Variants in VAV1 observed in about 807,000 individuals in gnomAD.
VAV1 encodes proto-oncogene vav.
VAV1 carries 33 observed loss-of-function variants against 128.1 expected under a neutral mutation model. The ratio of observed to expected loss-of-function variants is 0.26; its 90% CI spans 0.20 to 0.34. The LOEUF is 0.34. Among genes scored for constraint, VAV1 ranks in the 10% least tolerant of loss-of-function variants. The pLI is 1.00. For synonymous variants in VAV1, 394 were observed against 409.8 expected (o/e 0.96, Z 0.47); for missense variants, 715 against 1,093.7 (o/e 0.65, Z 4.88).
intron 1 of VAV1, among the ~76,000 whole-genome samples, chr19:6,805,583 T>TACACACACACACACAC (rs55732746): frequency 0.035 from 4,820 of 138,984 alleles, 146 homozygotes; most frequent in Non-Finnish European, 0.045. Context: ...TTTCTACAGA[T>TACACACACACACACAC]ACACACACAC....
intron 26 of VAV1, among the ~76,000 whole-genome samples, chr19:6,855,897 C>T (rs567424553): frequency 6.6e-5 from 10 of 152,240 alleles, no homozygotes; most frequent in African/African-American, 2.4e-4. Flanking sequence ...TCCAATAATC[C>T]ATCCATTCAT....
Position 6,833,262 on chromosome 19 carries a change from C to T in VAV1, c.1587C>T (p.Cys529=), listed in dbSNP as rs1459949528. 20 of 1,612,954 alleles carry T rather than the reference C, an allele frequency of 1.2e-5. No homozygotes were observed. The highest frequency in any genetic ancestry group is 1.7e-5 in the Non-Finnish European group (20 of 1,179,724). The change falls in exon 16 of 27, where the codon TGC becomes TGT. Residue 529 remains cysteine (C), a synonymous_variant. Coordinates refer to ENST00000602142, the MANE Select transcript of VAV1 (RefSeq NM_005428.4). ...TCTCCTTTGAGGAGACCACATCCTG[C>T]AAGGCCTGTCAGATGCTGCTTAGGT... ...QMFSFEETTS[C]KACQMLLRGT... is the part of the protein sequence containing the mutation.
Position 6,857,203 on chromosome 19 carries a change from G to A in VAV1, c.*96G>A. 6.5e-7 allele frequency: 1 copy of A among 1,545,098 alleles called. No homozygotes were observed. Among genetic ancestry groups the A allele is most frequent in the Non-Finnish European group, 8.8e-7 (1 of 1,136,418 alleles). ...GGGGCTGTGACAGCTCCCGGCGGGT[G>A]GAGACTTTGGGATGGACTGGAGGAG... is the stretch of plus-strand genomic sequence containing the variant. On this transcript the variant is annotated 3_prime_UTR_variant, in exon 27 of 27. Transcript: ENST00000602142.
intron 1 of VAV1, among the ~76,000 whole-genome samples, chr19:6,796,263 T>A (rs1971133481): frequency 6.6e-6 from 1 of 152,104 alleles, no homozygotes; most frequent in South Asian, 2.1e-4. Context: ...GAGAGAGAGG[T>A]GGGAGAAATA....
chr19:6,840,809 C>T (rs575658217), intron 21 of VAV1, among the ~76,000 whole-genome samples: 182 of 151,638 alleles, frequency 1.2e-3, no homozygotes, highest in Admixed American at 1.4e-3. Flanking sequence ...GATGGAGTTT[C>T]GCTCTTGTTG....
intron 1 of VAV1, among the ~76,000 whole-genome samples, chr19:6,775,675 G>A (rs770603049): frequency 9.2e-5 from 14 of 152,160 alleles, no homozygotes; most frequent in East Asian, 1.9e-4. Context: ...AAGCCCGGCC[G>A]TGTGTCTGGT....
intron 13 of VAV1, among the ~76,000 whole-genome samples, chr19:6,829,230 C>A (rs1375469836): frequency 1.3e-5 from 2 of 149,944 alleles, no homozygotes; most frequent in Admixed American, 1.3e-4. Context: ...GGGGGCCAGG[C>A]TCCTAGATGG....
In VAV1 at chr19:6,777,309, C is replaced by T. The variant is rs936036167; in HGVS notation, c.204+4298C>T. Among the ~76,000 whole-genome samples, 2 of 152,066 alleles carry T rather than the reference C, an allele frequency of 1.3e-5. No homozygotes were observed. The highest frequency in any genetic ancestry group is 1.9e-4 in the East Asian group (1 of 5,182). On this transcript the variant is annotated intron_variant, in intron 1 of 26. Transcript: ENST00000602142. This position sits in a 1 kb window ranked among gnomAD's most constrained non-coding sequence, Gnocchi z 4.4. ...TCCAGCAATGACAAGGTCTGCCAGGCCCTGTTCTTGGTGCTGGGGACAGTG... is the reference window on the plus strand; with the variant it reads ...TCCAGCAATGACAAGGTCTGCCAGGTCCTGTTCTTGGTGCTGGGGACAGTG...
chr19:6,849,285 C>CTTTTTT lies in VAV1; in HGVS notation c.2129+1187_2129+1192dup, dbSNP rs4029439. Among the ~76,000 whole-genome samples the CTTTTTT allele has an allele frequency of 1.7e-4, 16 of 92,174 alleles. 2 individuals are homozygous for CTTTTTT. Among genetic ancestry groups the CTTTTTT allele is most frequent in the African/African-American group, 7.7e-4 (13 of 16,846 alleles). 60.5% of individuals were successfully genotyped at this position (92,174 alleles called of 152,430 possible). A position where few individuals can be genotyped will look rare whatever the true frequency, so the allele number is the denominator to read the frequency against. The stretch of plus-strand genomic sequence containing the variant: ...CTCCCCCGAGTCTACTGTTTCCAGC[C>CTTTTTT]TTTTTTTTTTTTTTTTTTTTTGAGA... On this transcript the variant is annotated intron_variant, in intron 23 of 26. Transcript: ENST00000602142.
At chr19:6,808,574 C>G (rs1273518134) in intron 1 of VAV1, among the ~76,000 whole-genome samples, 1 of 152,194 alleles carries the variant, frequency 6.6e-6, no homozygotes, top group Non-Finnish European at 1.5e-5. Flanking sequence ...TCTTCCGCCA[C>G]CTGTGAATTT....
At chr19:6,798,409 C>G (rs1180628686) in intron 1 of VAV1, among the ~76,000 whole-genome samples, 2 of 151,932 alleles carry the variant, frequency 1.3e-5, no homozygotes, top group African/African-American at 4.8e-5. Context: ...GGGAGGATTG[C>G]TTGAGTTTAG....
At chr19:6,808,035 G>A (rs902099491) in intron 1 of VAV1, among the ~76,000 whole-genome samples, 22 of 147,788 alleles carry the variant, frequency 1.5e-4, no homozygotes, top group African/African-American at 4.0e-4. Context: ...AAAAAAGGCC[G>A]GGCGCGGTGG....
At chr19:6,791,587 A>G (rs986586586) in intron 1 of VAV1, among the ~76,000 whole-genome samples, 10 of 152,162 alleles carry the variant, frequency 6.6e-5, no homozygotes, top group African/African-American at 2.4e-4. Context: ...CTTACCTTAC[A>G]TCTTACAAAG....
intron 15 of VAV1, 70 bp from the exon 16 acceptor site, chr19:6,833,114 A>G: frequency 7.5e-7 from 1 of 1,337,560 alleles, no homozygotes; most frequent in Non-Finnish European, 1.0e-6. Context: ...ACCATGGAAT[A>G]GTATTCAGCC....
chr19:6,826,499 CTG>C lies in VAV1; in HGVS notation c.828-112_828-111del. The C allele has an allele frequency of 1.4e-6, 1 of 722,804 alleles. No homozygotes were observed. The highest frequency in any genetic ancestry group is 2.4e-6 in the Non-Finnish European group (1 of 413,038). The allele number at this position is 722,804 out of a possible 1,614,324, so 44.8% of individuals were successfully genotyped here. On this transcript the variant is annotated intron_variant, in intron 8 of 26. Coordinates refer to ENST00000602142, the MANE Select transcript of VAV1 (RefSeq NM_005428.4). This position sits in a 1 kb window ranked among gnomAD's most constrained non-coding sequence, Gnocchi z 4.1. Reference sequence around the variant, plus strand: ...TATGCCCATTTCACAGATGGAGAAACTGGGACTCAGGTTTCTTCTCCAGCGGG... The same window carrying C: ...TATGCCCATTTCACAGATGGAGAAACGGACTCAGGTTTCTTCTCCAGCGGG...
In VAV1 at chr19:6,849,392, G is replaced by A. The variant is rs371634138; in HGVS notation, c.2129+1278G>A. On this transcript the variant is annotated intron_variant, in intron 23 of 26. Transcript: ENST00000602142. ...CAAACTCCACCTCCCAGGTTCAAGC[G>A]AGTCTTCTGCCTCAGCCTCTTGAGT... Among the ~76,000 whole-genome samples the A allele has an allele frequency of 5.2e-4, 75 of 144,338 alleles. 1 individual carries two copies. In the South Asian group the frequency reaches 0.015, roughly 29 times the overall value. 94.7% of individuals were successfully genotyped at this position (144,338 alleles called of 152,430 possible).
In VAV1 at chr19:6,828,670, C is replaced by G; in HGVS notation, c.1141C>G (p.Arg381Gly). The G allele has an allele frequency of 2.5e-6, 4 of 1,614,126 alleles. No homozygotes were observed. The highest frequency in any genetic ancestry group is 3.4e-6 in the Non-Finnish European group (4 of 1,180,020). The change falls in exon 12 of 27, where the codon CGA (arginine) becomes GGA (glycine). Residue 381 changes from arginine to glycine, a missense_variant. By Grantham distance (125) the Arg-to-Gly change is moderately radical. Transcript: ENST00000602142. The surrounding 1 kb of genome is among the most constrained non-coding windows in gnomAD (Gnocchi z 4.5). ...GGTCAAGCGAGACAACGAGACACTG[C>G]GACAGATCACCAATTTCCAGCTGTC... ...NEVKRDNETL[R>G]QITNFQLSIE...
chr19:6,805,603 C>CACACACACACAT (rs1555700388), intron 1 of VAV1, among the ~76,000 whole-genome samples: 8 of 151,282 alleles, frequency 5.3e-5, no homozygotes, highest in Middle Eastern at 3.2e-3. Flanking sequence ...CACACACACA[C>CACACACACACAT]ACACACACAC....
intron 8 of VAV1, 42 bp downstream of exon 8, chr19:6,825,448 G>A (rs1389405512): frequency 6.4e-7 from 1 of 1,555,976 alleles, no homozygotes; most frequent in East Asian, 2.3e-5. Context: ...GGGTCACTCT[G>A]TCTTGCCTAG....
Sources: gnomAD v4.1 joint callset for allele counts (sites outside exome capture counted in the v4.1 genomes callset) on GRCh38, gnomAD v4.1.1 for gene constraint, Gnocchi (gnomAD v3.1) non-coding constraint, MANE v1.5 for transcripts, NCBI Gene and HGNC (gene_info 2026-07-23, HGNC 2026-07-21) for gene names.